Variants in TCF7L2 observed in about 807,000 individuals in gnomAD.
TCF7L2 encodes transcription factor 7-like 2.
In TCF7L2, 23 loss-of-function variants were observed where a neutral mutation model predicts 77.9. The ratio of observed to expected loss-of-function variants is 0.30; its 90% CI spans 0.21 to 0.42. The LOEUF is 0.42. Ranked by LOEUF, TCF7L2 falls within the 10% of genes least tolerant of loss-of-function variation. The pLI is 1.00. For missense variants in TCF7L2, 654 were observed against 793.1 expected (o/e 0.82, Z 2.11); for synonymous variants, 413 against 340.2 (o/e 1.21, Z -2.36).
In TCF7L2 at chr10:113,034,017, A is replaced by G. The variant is rs2134130807; in HGVS notation, c.451-6008A>G. ...TCTTGTATTTTAACCATTCTGGGTA[A>G]ATTGGGATTCCGTGACGCCCAGGCA... On this transcript the variant is annotated intron_variant, in intron 4 of 13. Transcript: ENST00000627217. Among the ~76,000 whole-genome samples, 2 of 152,334 alleles carry G rather than the reference A, an allele frequency of 1.3e-5. 1 individual carries two copies. Among genetic ancestry groups the G allele is most frequent in the South Asian group, 4.1e-4 (2 of 4,832 alleles).
At chr10:113,091,083 A>T (rs568796848) in intron 5 of TCF7L2, among the ~76,000 whole-genome samples, 1 of 151,922 alleles carries the variant, frequency 6.6e-6, no homozygotes, top group Non-Finnish European at 1.5e-5. Context: ...TGTATTTTTA[A>T]TAGAGACAGG....
chr10:113,118,644 T>G (rs530727803), intron 5 of TCF7L2, among the ~76,000 whole-genome samples: 92 of 57,946 alleles, frequency 1.6e-3, no homozygotes, highest in African/African-American at 8.4e-3. Flanking sequence ...GTTGGGGAAG[T>G]TTTTTTTTTG....
intron 5 of TCF7L2, among the ~76,000 whole-genome samples, chr10:113,043,262 G>A (rs1450281922): frequency 6.6e-6 from 1 of 152,200 alleles, no homozygotes; most frequent in Admixed American, 6.5e-5. Flanking sequence ...GGAATTCAGA[G>A]CATTTTGTTG....
chr10:112,983,341 G>T (rs1032562837), intron 4 of TCF7L2, among the ~76,000 whole-genome samples: 1 of 151,910 alleles, frequency 6.6e-6, no homozygotes, highest in African/African-American at 2.4e-5. Flanking sequence ...CATGGTGGTG[G>T]GCGCCTGTAG....
chr10:113,145,958 T>TTC, intron 7 of TCF7L2, 53 bp from the exon 8 acceptor site: 1 of 1,350,238 alleles, frequency 7.4e-7, no homozygotes, highest in Non-Finnish European at 1.0e-6. Context: ...CTTTTTCTTG[T>TTC]CCCCACCCCC....
chr10:113,025,523 G>A (rs1266007630), intron 4 of TCF7L2, among the ~76,000 whole-genome samples: 7 of 152,116 alleles, frequency 4.6e-5, no homozygotes, highest in Non-Finnish European at 1.0e-4. Flanking sequence ...ATAGGCATGA[G>A]CCACCGTGCC....
chr10:113,007,123 C>G (rs954778008), intron 4 of TCF7L2, among the ~76,000 whole-genome samples: 6 of 152,184 alleles, frequency 3.9e-5, no homozygotes, highest in Non-Finnish European at 4.4e-5. Context: ...GGCTGTGAGC[C>G]CAAGTTTGTT....
chr10:112,981,628 G>A (rs990853808), intron 4 of TCF7L2, among the ~76,000 whole-genome samples: 24 of 152,196 alleles, frequency 1.6e-4, no homozygotes, highest in African/African-American at 5.6e-4. Context: ...AAAGGAGCCC[G>A]ACAATGACTT....
In TCF7L2 at chr10:113,020,891, G is replaced by A. The variant is rs115561024; in HGVS notation, c.451-19134G>A. 9.1e-3 allele frequency among the ~76,000 whole-genome samples: 1,390 copies of A among 152,206 alleles called. 17 individuals carry two copies. The highest frequency in any genetic ancestry group is 0.032 in the African/African-American group (1,317 of 41,520). ...ATCTACAGAATGAGGGAGGTGGGAT[G>A]AGGGGAAATTATTTCACAATAACTG... is the stretch of plus-strand genomic sequence containing the variant. On this transcript the variant is annotated intron_variant, in intron 4 of 13. Transcript: ENST00000627217.
intron 12 of TCF7L2, 48 bp downstream of exon 12, chr10:113,158,117 C>A (rs2137368671): frequency 6.4e-7 from 1 of 1,555,674 alleles, no homozygotes; most frequent in African/African-American, 1.4e-5. Flanking sequence ...GCCTGAGGAC[C>A]ACCCTTTTAT....
intron 5 of TCF7L2, among the ~76,000 whole-genome samples, chr10:113,099,328 G>A (rs897025860): frequency 6.6e-6 from 1 of 152,280 alleles, no homozygotes; most frequent in Admixed American, 6.5e-5. Flanking sequence ...TGGGCATAAT[G>A]TTTAAAATGA....
At chr10:113,068,715 G>T (rs1446108412) in intron 5 of TCF7L2, among the ~76,000 whole-genome samples, 2 of 152,062 alleles carry the variant, frequency 1.3e-5, no homozygotes, top group South Asian at 2.1e-4. Flanking sequence ...TGATGTGCTT[G>T]GCTGTTCCCT....
At chr10:113,077,702 C>CTTCTT (rs1555017355) in intron 5 of TCF7L2, among the ~76,000 whole-genome samples, 1 of 134,114 alleles carries the variant, frequency 7.5e-6, no homozygotes, top group African/African-American at 2.7e-5. Context: ...TTCTTTTCTT[C>CTTCTT]TTTTTTTTTT....
intron 5 of TCF7L2, among the ~76,000 whole-genome samples, chr10:113,101,071 G>A (rs115128325): frequency 0.031 from 4,771 of 152,128 alleles, 268 homozygotes; most frequent in African/African-American, 0.11. Context: ...GCGAAACTCC[G>A]TCTCAAGGGG....
In TCF7L2 at chr10:112,964,640, G is replaced by T; in HGVS notation, c.450+16G>T. On this transcript the variant is annotated intron_variant, in intron 4 of 13. Transcript: ENST00000627217. ...TGCAGTTCAGGTAGGAAACGCAAGA[G>T]ATTCTGAAGCTTGAATTGTCTATAT... The T allele has an allele frequency of 6.2e-7, 1 of 1,610,104 alleles. No homozygotes were observed. The highest frequency in any genetic ancestry group is 8.5e-7 in the Non-Finnish European group (1 of 1,176,662).
chr10:113,151,424 C>G lies in TCF7L2; in HGVS notation c.1001+301C>G, dbSNP rs1293450839. Among the ~76,000 whole-genome samples the G allele has an allele frequency of 6.6e-6, 1 of 152,122 alleles. No individual in the cohort carries two copies. On this transcript the variant is annotated intron_variant, in intron 9 of 13. Coordinates refer to ENST00000627217, the MANE Select transcript of TCF7L2 (RefSeq NM_001146274.2). This position sits in a 1 kb window ranked among gnomAD's most constrained non-coding sequence, Gnocchi z 5.2. Reference sequence around the variant, plus strand: ...ATCATTGAACATTTAGAGCTTTGTTCTGCAAGCAGGAGAAAACCCTGCCGA... The same window carrying G: ...ATCATTGAACATTTAGAGCTTTGTTGTGCAAGCAGGAGAAAACCCTGCCGA...
At chr10:113,120,449 G>C (rs1268071080) in intron 5 of TCF7L2, among the ~76,000 whole-genome samples, 1 of 152,132 alleles carries the variant, frequency 6.6e-6, no homozygotes, top group African/African-American at 2.4e-5. Context: ...TTGGGGATTG[G>C]TACTGGTAGA....
chr10:112,951,362 C>T, intron 2 of TCF7L2, 89 bp downstream of exon 2: 1 of 1,013,308 alleles, frequency 9.9e-7, no homozygotes, highest in Non-Finnish European at 1.2e-6. Context: ...CCGGCTCGGC[C>T]TGGCCCTGCG....
chr10:112,988,331 TC>T lies in TCF7L2; in HGVS notation c.450+23708del, dbSNP rs1415244915. Among the ~76,000 whole-genome samples, 4 of 152,302 alleles carry T rather than the reference TC, an allele frequency of 2.6e-5. No homozygotes were observed. In the East Asian group the frequency reaches 7.7e-4, roughly 29 times the overall value. On this transcript the variant is annotated intron_variant, in intron 4 of 13. Coordinates refer to ENST00000627217, the MANE Select transcript of TCF7L2 (RefSeq NM_001146274.2). Reference sequence around the variant, plus strand: ...CCAGGCTGGTCTCGAACTCCTGACCTCAGGTGATCCACCCGCCTTAGCCTCC... The same window carrying T: ...CCAGGCTGGTCTCGAACTCCTGACCTAGGTGATCCACCCGCCTTAGCCTCC...
Sources: allele counts gnomAD v4.1 joint callset (sites outside exome capture counted in the v4.1 genomes callset), GRCh38; gene constraint gnomAD v4.1.1; non-coding constraint Gnocchi (gnomAD v3.1); transcripts MANE v1.5; gene names NCBI Gene and HGNC (gene_info 2026-07-23, HGNC 2026-07-21).